Variants in BMERB1 observed in about 807,000 individuals in gnomAD.
BMERB1 encodes bMERB domain-containing protein 1.
A neutral mutation model predicts 23.6 loss-of-function variants in BMERB1; 12 were observed. The ratio of observed to expected loss-of-function variants is 0.51; its 90% CI spans 0.33 to 0.82. The LOEUF (loss-of-function observed/expected upper bound fraction) is 0.82. Ranked by LOEUF, BMERB1 falls within the 40% of genes least tolerant of loss-of-function variation. The pLI is 0.03. For missense variants in BMERB1, 247 were observed against 255.4 expected (o/e 0.97, Z 0.22); for synonymous variants, 122 against 96.6 (o/e 1.26, Z -1.54).
intron 1 of BMERB1, among the ~76,000 whole-genome samples, chr16:15,464,356 G>C (rs1180302716): frequency 1.3e-5 from 2 of 150,166 alleles, no homozygotes; most frequent in Non-Finnish European, 3.0e-5. Context: ...TGTCAGGTAT[G>C]GTGGCTCATA....
chr16:15,521,757 C>G (rs1041307034), intron 2 of BMERB1, among the ~76,000 whole-genome samples: 2 of 152,164 alleles, frequency 1.3e-5, no homozygotes, highest in African/African-American at 2.4e-5. Flanking sequence ...GGCAGTAACA[C>G]AAAACTGCCT....
intron 1 of BMERB1, among the ~76,000 whole-genome samples, chr16:15,467,417 A>G (rs764286712): frequency 5.9e-5 from 9 of 152,204 alleles, no homozygotes; most frequent in African/African-American, 1.9e-4. Flanking sequence ...TGTGGTTTTA[A>G]TTTGCATTTT....
chr16:15,572,252 T>G (rs536701001), intron 3 of BMERB1, among the ~76,000 whole-genome samples: 3 of 152,312 alleles, frequency 2.0e-5, no homozygotes, highest in Admixed American at 2.0e-4. Flanking sequence ...CCCGCATGGT[T>G]GTTGTGAATA....
intron 4 of BMERB1, 144 bp downstream of exon 4, chr16:15,581,475 A>T: frequency 1.7e-6 from 1 of 575,564 alleles, no homozygotes; most frequent in South Asian, 2.8e-5. Context: ...ACTGAATCCC[A>T]AGGAACCCCA....
intron 1 of BMERB1, among the ~76,000 whole-genome samples, chr16:15,481,281 C>A (rs940507354): frequency 6.6e-6 from 1 of 152,070 alleles, no homozygotes; most frequent in African/African-American, 2.4e-5. Context: ...AATCCCAGCA[C>A]TTTGGGAGGC....
rs2031187297 is a variant in BMERB1, at chr16:15,587,714, C to A, written c.*885C>A. 3.6e-6 allele frequency: 1 copy of A among 280,602 alleles called. No individual in the cohort carries two copies. Among genetic ancestry groups the A allele is most frequent in the South Asian group, 2.6e-5 (1 of 37,962 alleles). The allele number at this position is 280,602 out of a possible 1,614,324, so 17.4% of individuals were successfully genotyped here. On this transcript the variant is annotated 3_prime_UTR_variant, in exon 6 of 6. Coordinates refer to ENST00000300006, the MANE Select transcript of BMERB1 (RefSeq NM_033201.3). ...CCGACACACGGACCTTTGTAAAGAA[C>A]AGCAACAGGCAGGAGAGGCAGCGTG...
At chr16:15,569,959 T>C (rs923451343) in intron 3 of BMERB1, among the ~76,000 whole-genome samples, 14 of 152,162 alleles carry the variant, frequency 9.2e-5, no homozygotes, top group Non-Finnish European at 2.1e-4. Flanking sequence ...TCATTTAAAC[T>C]ATAAACTAAA....
At chr16:15,532,613 T>G (rs2051980166) in intron 2 of BMERB1, among the ~76,000 whole-genome samples, 1 of 142,408 alleles carries the variant, frequency 7.0e-6, no homozygotes, top group Non-Finnish European at 1.5e-5. Context: ...TGGCACGATC[T>G]CGGCTCACTG....
chr16:15,450,085 AT>A (rs2051028836), intron 1 of BMERB1, among the ~76,000 whole-genome samples: 2 of 151,980 alleles, frequency 1.3e-5, no homozygotes, highest in Middle Eastern at 3.4e-3. Context: ...GATAGATACT[AT>A]TTTAGGGTGT....
Position 15,471,370 on chromosome 16 carries a change from T to A in BMERB1, c.106+36611T>A, listed in dbSNP as rs532161166. On this transcript the variant is annotated intron_variant, in intron 1 of 5. Coordinates refer to ENST00000300006, the MANE Select transcript of BMERB1 (RefSeq NM_033201.3). ...TGGAGATTTCTCTTTTGGGAGTTTT[T>A]AAATTATGCACTCATTTTCCTTAAT... 4.6e-5 allele frequency among the ~76,000 whole-genome samples: 7 copies of A among 152,338 alleles called. No individual in the cohort carries two copies. In the East Asian group the frequency reaches 1.4e-3, roughly 29 times the overall value.
At chr16:15,441,673 C>T (rs2050940326) in intron 1 of BMERB1, among the ~76,000 whole-genome samples, 2 of 152,038 alleles carry the variant, frequency 1.3e-5, no homozygotes, top group Admixed American at 1.3e-4. Context: ...CCACGATGCC[C>T]AGCAGCCCTG....
At chr16:15,484,012 G>A (rs1415846712) in intron 1 of BMERB1, among the ~76,000 whole-genome samples, 1 of 152,130 alleles carries the variant, frequency 6.6e-6, no homozygotes, top group Non-Finnish European at 1.5e-5. Context: ...CAATCACTGT[G>A]GAAGGTGAAG....
chr16:15,517,642 T>A (rs1341005261), intron 2 of BMERB1, among the ~76,000 whole-genome samples: 2 of 151,400 alleles, frequency 1.3e-5, no homozygotes, highest in Middle Eastern at 3.4e-3. Context: ...AAATTAAAAA[T>A]TTTAAAAATA....
intron 2 of BMERB1, among the ~76,000 whole-genome samples, chr16:15,563,421 A>G (rs1230722198): frequency 1.3e-5 from 2 of 151,858 alleles, no homozygotes; most frequent in African/African-American, 2.4e-5. Flanking sequence ...GGGTTTCACC[A>G]TGTTAGACAG....
Position 15,542,221 on chromosome 16 carries a change from AC to A in BMERB1, c.231-25759del, listed in dbSNP as rs996199635. ...TTGGACTACAGGCACGTGCCATCAC[AC>A]CCAGCTAATTTTTGTATTTTTAGTA... On this transcript the variant is annotated intron_variant, in intron 2 of 5. Transcript: ENST00000300006. 1.3e-4 allele frequency among the ~76,000 whole-genome samples: 19 copies of A among 151,358 alleles called. 1 individual carries two copies. The East Asian group carries it at 1.8e-3, about 14-fold the overall frequency.
chr16:15,474,073 T>A (rs1049485575), intron 1 of BMERB1, among the ~76,000 whole-genome samples: 3 of 146,174 alleles, frequency 2.1e-5, no homozygotes, highest in Non-Finnish European at 4.5e-5. Flanking sequence ...TGAGCAGAGA[T>A]CATGCCACTG....
At chr16:15,493,073 A>G (rs1219250587) in intron 1 of BMERB1, among the ~76,000 whole-genome samples, 3 of 151,896 alleles carry the variant, frequency 2.0e-5, no homozygotes, top group African/African-American at 4.8e-5. Flanking sequence ...AAAACTGTCA[A>G]GGGCAGGCTG....
chr16:15,519,228 C>G (rs1372411071), intron 2 of BMERB1, among the ~76,000 whole-genome samples: 2 of 152,052 alleles, frequency 1.3e-5, no homozygotes, highest in East Asian at 1.9e-4. Flanking sequence ...CTGAAAGACT[C>G]CCGGTGGCCG....
chr16:15,568,241 C>A (rs1220018111), intron 3 of BMERB1, among the ~76,000 whole-genome samples, 185 bp downstream of exon 3: 1 of 152,212 alleles, frequency 6.6e-6, no homozygotes, highest in South Asian at 2.1e-4. Context: ...ATTCTGGTCA[C>A]CTTCTTGTCC....
Sources: allele counts gnomAD v4.1 joint callset (sites outside exome capture counted in the v4.1 genomes callset), GRCh38; gene constraint gnomAD v4.1.1; transcripts MANE v1.5; gene names NCBI Gene and HGNC (gene_info 2026-07-23, HGNC 2026-07-21).